Variants in EXOC6B observed in about 807,000 individuals in gnomAD.
EXOC6B encodes the protein exocyst complex component 6B.
A neutral mutation model predicts 113.5 loss-of-function variants in EXOC6B; 54 were observed. The ratio of observed to expected loss-of-function variants is 0.48; its 90% CI spans 0.38 to 0.60. EXOC6B has a LOEUF of 0.60. Among genes scored for constraint, EXOC6B ranks in the 20% least tolerant of loss-of-function variants. The pLI, the probability that EXOC6B is intolerant of heterozygous loss-of-function variation, is 0.00. For synonymous variants in EXOC6B, 357 were observed against 339.0 expected (o/e 1.05, Z -0.58); for missense variants, 797 against 977.5 (o/e 0.82, Z 2.46).
At chr2:72,591,380 C>T (rs1000711300) in intron 6 of EXOC6B, among the ~76,000 whole-genome samples, 1 of 152,014 alleles carries the variant, frequency 6.6e-6, no homozygotes, top group Non-Finnish European at 1.5e-5. Flanking sequence ...TTTATGAGTC[C>T]TTTTAAGAGA....
chr2:72,811,910 A>C (rs955412715), intron 1 of EXOC6B, among the ~76,000 whole-genome samples: 2 of 152,200 alleles, frequency 1.3e-5, no homozygotes, highest in African/African-American at 4.8e-5. Context: ...ATTGATAAAG[A>C]GCATCCACAA....
At chr2:72,376,533 C>T (rs1047366305) in intron 19 of EXOC6B, among the ~76,000 whole-genome samples, 8 of 152,026 alleles carry the variant, frequency 5.3e-5, no homozygotes, top group African/African-American at 1.9e-4. Context: ...TAACAATGTG[C>T]CTCAGTGTAG....
intron 1 of EXOC6B, among the ~76,000 whole-genome samples, chr2:72,801,822 TA>T (rs1281903477): frequency 6.6e-6 from 1 of 152,198 alleles, no homozygotes; most frequent in Non-Finnish European, 1.5e-5. Flanking sequence ...AAGATTCACG[TA>T]AAAGAAGTTA....
At chr2:72,676,019 A>G (rs1676278961) in intron 6 of EXOC6B, among the ~76,000 whole-genome samples, 1 of 151,958 alleles carries the variant, frequency 6.6e-6, no homozygotes, top group Admixed American at 6.6e-5. Flanking sequence ...TTTTTCCAAA[A>G]AAGTTCTCAT....
chr2:72,743,931 T>C (rs1157823055), intron 1 of EXOC6B, among the ~76,000 whole-genome samples: 1 of 152,130 alleles, frequency 6.6e-6, no homozygotes, highest in Non-Finnish European at 1.5e-5. Flanking sequence ...TGCATAATAA[T>C]GTTTTAGTTA....
chr2:72,276,986 C>T (rs1296441657), intron 20 of EXOC6B, among the ~76,000 whole-genome samples: 1 of 152,122 alleles, frequency 6.6e-6, no homozygotes, highest in Non-Finnish European at 1.5e-5. Context: ...TCACTCATTC[C>T]TTCTTCAGAG....
In EXOC6B at chr2:72,565,335, AGTGAGACCCT is replaced by A. The variant is rs1485229165; in HGVS notation, c.847-5824_847-5815del. 4.7e-5 allele frequency among the ~76,000 whole-genome samples: 6 copies of A among 128,782 alleles called. No homozygotes were observed. In the East Asian group the frequency reaches 1.5e-3, roughly 32 times the overall value. 84.5% of individuals were successfully genotyped at this position (128,782 alleles called of 152,430 possible). On this transcript the variant is annotated intron_variant, in intron 7 of 21. Coordinates refer to ENST00000272427, the MANE Select transcript of EXOC6B (RefSeq NM_015189.3). Reference sequence around the variant, plus strand: ...CACTGTACTCTAGCCTGAGTGACAGAGTGAGACCCTGTCTAAAAAAAAAAAAAAAAAAAAA... The same window carrying A: ...CACTGTACTCTAGCCTGAGTGACAGAGTCTAAAAAAAAAAAAAAAAAAAAA...
intron 20 of EXOC6B, among the ~76,000 whole-genome samples, chr2:72,232,985 T>C (rs1681725954): frequency 6.6e-6 from 1 of 151,004 alleles, no homozygotes; most frequent in East Asian, 2.0e-4. Flanking sequence ...GGCAAGAGAA[T>C]CACTTGAATC....
At position 72,208,715 on chromosome 2, in the gene EXOC6B, C is replaced by A. The variant is rs560025545; in HGVS notation, c.2197-24528G>T. The stretch of plus-strand genomic sequence containing the variant: ...TGCCTCAGAATGAAACCCAGGGTAC[C>A]TGCACCCTTTACCTCAAAAACACCA... On this transcript the variant is annotated intron_variant, in intron 20 of 21. Transcript: ENST00000272427. 7.2e-5 allele frequency among the ~76,000 whole-genome samples: 11 copies of A among 152,272 alleles called. No individual in the cohort carries two copies. The South Asian group carries it at 1.7e-3, about 23-fold the overall frequency.
chr2:72,614,605 A>C (rs1006541104), intron 6 of EXOC6B, among the ~76,000 whole-genome samples: 4 of 152,194 alleles, frequency 2.6e-5, no homozygotes, highest in Non-Finnish European at 5.9e-5. Context: ...AAATCATAAG[A>C]GTAATTAATT....
chr2:72,715,605 G>C (rs111966519), intron 6 of EXOC6B, among the ~76,000 whole-genome samples: 2 of 152,010 alleles, frequency 1.3e-5, no homozygotes, highest in Non-Finnish European at 2.9e-5. Flanking sequence ...CCTACTACCA[G>C]AGCAGAGGAA....
intron 18 of EXOC6B, among the ~76,000 whole-genome samples, chr2:72,450,825 G>A (rs1036106934): frequency 6.6e-6 from 1 of 152,258 alleles, no homozygotes; most frequent in South Asian, 2.1e-4. Flanking sequence ...GCTAGACTAG[G>A]ACTAGAATTT....
chr2:72,752,570 T>C (rs940134841), intron 1 of EXOC6B, among the ~76,000 whole-genome samples: 1 of 148,550 alleles, frequency 6.7e-6, no homozygotes, highest in African/African-American at 2.5e-5. Flanking sequence ...TCTCTCTCTC[T>C]CCCTCCTTCC....
At chr2:72,369,868 G>C (rs1690892158) in intron 19 of EXOC6B, among the ~76,000 whole-genome samples, 1 of 152,066 alleles carries the variant, frequency 6.6e-6, no homozygotes, top group Non-Finnish European at 1.5e-5. Flanking sequence ...AATTCAAATA[G>C]ATTAAAGACT....
At chr2:72,215,579 A>T (rs1680472387) in intron 20 of EXOC6B, among the ~76,000 whole-genome samples, 1 of 152,176 alleles carries the variant, frequency 6.6e-6, no homozygotes. Context: ...TCAAACAGAC[A>T]GGGGACATGA....
At chr2:72,249,073 G>A (rs1320912744) in intron 20 of EXOC6B, among the ~76,000 whole-genome samples, 2 of 152,190 alleles carry the variant, frequency 1.3e-5, no homozygotes, top group African/African-American at 4.8e-5. Flanking sequence ...AGACCAGCCT[G>A]GGCAACATAG....
At chr2:72,762,242 CAAAAA>C (rs557776288) in intron 1 of EXOC6B, among the ~76,000 whole-genome samples, 3 of 61,246 alleles carry the variant, frequency 4.9e-5, no homozygotes, top group Non-Finnish European at 6.6e-5. Flanking sequence ...GACTCCGTCT[CAAAAA>C]AAAAAAAAAA....
At chr2:72,439,746 A>C (rs1227486404) in intron 18 of EXOC6B, among the ~76,000 whole-genome samples, 2 of 152,206 alleles carry the variant, frequency 1.3e-5, no homozygotes, top group Admixed American at 6.5e-5. Flanking sequence ...GCCTCAGCCC[A>C]GTTCTGAACC....
chr2:72,218,826 C>T (rs1433131547), intron 20 of EXOC6B, among the ~76,000 whole-genome samples: 1 of 152,062 alleles, frequency 6.6e-6, no homozygotes, highest in Non-Finnish European at 1.5e-5. Flanking sequence ...CCATGCCCAA[C>T]TAATTTTTGT....
Sources: gnomAD v4.1 joint callset for allele counts (sites outside exome capture counted in the v4.1 genomes callset) on GRCh38, gnomAD v4.1.1 for gene constraint, MANE v1.5 for transcripts, NCBI Gene and HGNC (gene_info 2026-07-23, HGNC 2026-07-21) for gene names.